The following NRXN1 variants were observed in gnomAD, a reference collection of about 807,000 sequenced individuals.
NRXN1 encodes neurexin 1.
In NRXN1, 39 loss-of-function variants were observed where a neutral mutation model predicts 150.9. The ratio of observed to expected loss-of-function variants is 0.26; its 90% CI spans 0.20 to 0.34. The LOEUF (loss-of-function observed/expected upper bound fraction) is 0.34, where lower values mean the gene tolerates loss of function less well. Ranked by LOEUF, NRXN1 falls within the 10% of genes least tolerant of loss-of-function variation. The probability of loss-of-function intolerance (pLI) is 1.00; values close to 1 mark genes in which losing one functional copy is unlikely to be tolerated. For missense variants in NRXN1, 1,815 were observed against 1,949.9 expected, an observed-to-expected ratio of 0.93 and a Z score of 1.30; for synonymous variants, 924 against 757.0, an observed-to-expected ratio of 1.22 and a Z score of -3.62.
intron 8 of NRXN1, among the ~76,000 whole-genome samples, chr2:50,555,219 T>C (rs1668055955): frequency 6.6e-6 from 1 of 152,216 alleles, no homozygotes; most frequent in Admixed American, 6.5e-5. Flanking sequence ...GATGCTTCTC[T>C]TGATCAATGC....
intron 5 of NRXN1, among the ~76,000 whole-genome samples, chr2:50,641,071 T>C (rs1684008610): frequency 6.6e-6 from 1 of 152,124 alleles, no homozygotes; most frequent in African/African-American, 2.4e-5. Flanking sequence ...GTTGACACAT[T>C]TGCAAACTGC....
At chr2:50,029,166 G>C (rs1223353425) in intron 21 of NRXN1, among the ~76,000 whole-genome samples, 1 of 152,190 alleles carries the variant, frequency 6.6e-6, no homozygotes, top group African/African-American at 2.4e-5. Flanking sequence ...CCATGTGAGA[G>C]ACAACACAGC....
Position 50,538,514 on chromosome 2 carries a change from G to A in NRXN1, c.1882C>T (p.Pro628Ser). Residue 628 changes from proline (P) to serine (S), a missense_variant, in exon 10 of 23, where the codon CCC (proline) becomes TCC (serine). By Grantham distance (74) the Pro-to-Ser change is moderately conservative (BLOSUM62 -1). Coordinates refer to ENST00000401669, the MANE Select transcript of NRXN1 (RefSeq NM_001330078.2). ...LPENKAGLVF[P>S]TEVWTALLNY... is the part of the protein sequence containing the mutation. The stretch of plus-strand genomic sequence containing the variant: ...AGCAGAGCAGTCCACACCTCGGTGG[G>A]GAAGACAAGGCCAGCTTTATTTTCT... 1 of 1,605,104 alleles carries A rather than the reference G, an allele frequency of 6.2e-7. No homozygotes were observed. The highest frequency in any genetic ancestry group is 8.5e-7 in the Non-Finnish European group (1 of 1,174,102).
intron 17 of NRXN1, among the ~76,000 whole-genome samples, chr2:50,464,698 T>C (rs114012409): frequency 3.9e-4 from 60 of 152,078 alleles, no homozygotes; most frequent in Non-Finnish European, 6.0e-4. Context: ...TATAGCAGAA[T>C]GCAATGTTTT....
At chr2:50,832,694 C>T (rs993599677) in intron 5 of NRXN1, among the ~76,000 whole-genome samples, 15 of 152,016 alleles carry the variant, frequency 9.9e-5, no homozygotes, top group South Asian at 2.1e-4. Flanking sequence ...AAAGACATAA[C>T]GAATAGCCAA....
intron 2 of NRXN1, chr2:51,026,379 A>G: frequency 6.3e-7 from 1 of 1,586,622 alleles, no homozygotes. Context: ...ACTTTCTGTT[A>G]GAGGCTTTGC....
chr2:50,146,505 T>C (rs1010376983), intron 18 of NRXN1, among the ~76,000 whole-genome samples: 2 of 151,688 alleles, frequency 1.3e-5, no homozygotes, highest in African/African-American at 4.8e-5. Context: ...ATGCTAAATA[T>C]TTAAATCAGC....
At chr2:50,349,508 G>A (rs1047422790) in intron 17 of NRXN1, among the ~76,000 whole-genome samples, 1 of 152,200 alleles carries the variant, frequency 6.6e-6, no homozygotes, top group African/African-American at 2.4e-5. Flanking sequence ...ACATTTCATA[G>A]TGTTAGCATG....
Position 50,536,277 on chromosome 2 carries a change from C to T in NRXN1, c.2143+1976G>A, listed in dbSNP as rs557660064. On this transcript the variant is annotated intron_variant, in intron 10 of 22. Transcript: ENST00000401669. Reference sequence around the variant, plus strand: ...ATGGGTAGTCCAGTAACAAGAACCACCCAAAAATGCATACAGCCAACCTGG... The same window carrying T: ...ATGGGTAGTCCAGTAACAAGAACCATCCAAAAATGCATACAGCCAACCTGG... Among the ~76,000 whole-genome samples the T allele has an allele frequency of 4.6e-5, 7 of 152,248 alleles. No homozygotes were observed. In the South Asian group the frequency reaches 1.4e-3, roughly 32 times the overall value.
intron 17 of NRXN1, among the ~76,000 whole-genome samples, chr2:50,425,262 G>C (rs550698475): frequency 1.3e-5 from 2 of 152,260 alleles, no homozygotes; most frequent in Admixed American, 6.5e-5. Flanking sequence ...CTTTATACTG[G>C]AACAAGCTCT....
chr2:50,684,392 A>C (rs1374220191), intron 5 of NRXN1, among the ~76,000 whole-genome samples: 1 of 152,066 alleles, frequency 6.6e-6, no homozygotes, highest in Non-Finnish European at 1.5e-5. Flanking sequence ...AGTCCCAGCT[A>C]CTAGGAGGCT....
rs552734841 is a variant in NRXN1 at position 50,165,349 on chromosome 2, T to A, written c.3546+71440A>T. Among the ~76,000 whole-genome samples the A allele has an allele frequency of 1.3e-4, 19 of 151,634 alleles. No individual in the cohort carries two copies. In the South Asian group the frequency reaches 3.8e-3, roughly 30 times the overall value. ...ATTTCTGGATGAAGCCTCAGCACTA[T>A]TTTTTTTTCTTTTTCTTTAGACACA... On this transcript the variant is annotated intron_variant, in intron 18 of 22. Transcript: ENST00000401669.
chr2:50,109,659 A>C (rs1702121976), intron 18 of NRXN1, among the ~76,000 whole-genome samples: 1 of 152,106 alleles, frequency 6.6e-6, no homozygotes, highest in Admixed American at 6.5e-5. Context: ...TGGGATGCTG[A>C]GATGTCTTGA....
intron 2 of NRXN1, among the ~76,000 whole-genome samples, chr2:51,013,369 G>A (rs1668190695): frequency 6.6e-6 from 1 of 151,912 alleles, no homozygotes; most frequent in Non-Finnish European, 1.5e-5. Flanking sequence ...GTAATTCATG[G>A]GCCAAGTGTT....
intron 8 of NRXN1, among the ~76,000 whole-genome samples, chr2:50,591,342 T>C (rs1486268859): frequency 6.6e-6 from 1 of 151,796 alleles, no homozygotes; most frequent in African/African-American, 2.4e-5. Context: ...CTCTTCATAA[T>C]TAGGACAGTC....
At chr2:50,248,134 T>C (rs1191773380) in intron 17 of NRXN1, among the ~76,000 whole-genome samples, 1 of 152,058 alleles carries the variant, frequency 6.6e-6, no homozygotes, top group African/African-American at 2.4e-5. Flanking sequence ...CATCTCAGCC[T>C]CCTGAGTAGC....
chr2:50,526,976 T>A (rs1038970736), intron 12 of NRXN1, among the ~76,000 whole-genome samples: 2 of 152,176 alleles, frequency 1.3e-5, no homozygotes, highest in Non-Finnish European at 2.9e-5. Context: ...GTAATTATAC[T>A]ATAAACATAC....
chr2:49,975,990 C>G (rs1678896142), intron 21 of NRXN1, among the ~76,000 whole-genome samples: 1 of 150,968 alleles, frequency 6.6e-6, no homozygotes, highest in South Asian at 2.1e-4. Context: ...CATGTATACA[C>G]ACACAAATGA....
intron 5 of NRXN1, among the ~76,000 whole-genome samples, chr2:50,658,588 T>C (rs1174214209): frequency 1.3e-5 from 2 of 152,004 alleles, no homozygotes; most frequent in Non-Finnish European, 2.9e-5. Flanking sequence ...ACAGACTCTT[T>C]GGCCGTTCCT....
Sources: gnomAD v4.1 joint callset for allele counts (sites outside exome capture counted in the v4.1 genomes callset) on GRCh38, gnomAD v4.1.1 for gene constraint, MANE v1.5 for transcripts, NCBI Gene and HGNC (gene_info 2026-07-23, HGNC 2026-07-21) for gene names.